Variants in PIDD1 observed in about 807,000 individuals in gnomAD.
The protein encoded by PIDD1 is p53-induced death domain protein 1.
Under a neutral mutation model 80.0 loss-of-function variants are expected in PIDD1, and 72 were observed. The observed-to-expected ratio is 0.90, with a 90% CI of 0.74 to 1.09. The LOEUF (loss-of-function observed/expected upper bound fraction) is 1.09, where lower values mean the gene tolerates loss of function less well. Ranked by LOEUF, PIDD1 falls within the 50% of genes least tolerant of loss-of-function variation. The pLI, the probability that PIDD1 is intolerant of heterozygous loss-of-function variation, is 0.00. For synonymous variants in PIDD1, 655 were observed against 543.5 expected (o/e 1.21, Z -2.85); for missense variants, 1,329 against 1,228.3 (o/e 1.08, Z -1.23).
chr11:803,275 TGA>T lies in PIDD1; in HGVS notation c.606_607del (p.Gln203GlufsTer9), dbSNP rs749768406. On this transcript the variant is annotated frameshift_variant, in exon 3 of 16. Transcript: ENST00000347755. LOFTEE classifies it high-confidence loss of function. ...AGGAGGTAGCGTGTCCAGCAGATTC[TGA>T]GAGAGATCGAGGCGCTGCAGGGTGG... 18 of 1,613,574 alleles carry T rather than the reference TGA, an allele frequency of 1.1e-5. No homozygotes were observed. Among genetic ancestry groups the T allele is most frequent in the African/African-American group, 2.7e-5 (2 of 74,906 alleles).
chr11:801,233 G>A lies in PIDD1; in HGVS notation c.1615C>T (p.Pro539Ser), dbSNP rs763597896. The A allele has an allele frequency of 6.4e-7, 1 of 1,559,256 alleles. No individual in the cohort carries two copies. Among genetic ancestry groups the A allele is most frequent in the Non-Finnish European group, 8.7e-7 (1 of 1,149,798 alleles). ...LQPVTVQLPL[P>S]SGITGLSLDR... is the part of the protein sequence containing the mutation. ...TGCCTCTCACCTGTGATGCCAGAGG[G>A]CAGAGGCAGCTGCACGGTGACCGGT... The change falls in exon 9 of 16, where the codon CCC becomes TCC. Residue 539 changes from proline to serine, a missense_variant. By Grantham distance (74) the Pro-to-Ser change is moderately conservative. Transcript: ENST00000347755.
In PIDD1 at chr11:803,232, G is replaced by T. The variant is rs1311205563; in HGVS notation, c.651C>A (p.Gly217=). Residue 217 remains glycine (G), a synonymous_variant, in exon 3 of 16, where the codon GGC becomes GGA. Transcript: ENST00000347755. ...DTLPPEIGGL[G]SLLELNLASN... ...AGGCCAGGTTGAGCTCCAGGAGGCT[G>T]CCCAGGCCTCCAATCTCAGGAGGTA... 4 of 1,612,268 alleles carry T rather than the reference G, an allele frequency of 2.5e-6. No homozygotes were observed. The East Asian group carries it at 8.9e-5, about 36-fold the overall frequency.
At chr11:809,202 C>T (rs1444219394), upstream of PIDD1, among the ~76,000 whole-genome samples, 1 of 152,258 alleles carries the variant, frequency 6.6e-6, no homozygotes, top group Admixed American at 6.5e-5. Flanking sequence ...CACATGGACA[C>T]CGAGGTCAGT....
Position 800,008 on chromosome 11 carries a change from G to C in PIDD1, c.2281C>G (p.Arg761Gly), listed in dbSNP as rs776246580. Residue 761 changes from arginine (R) to glycine (G), a missense_variant, in exon 15 of 16, where the codon CGA (arginine) becomes GGA (glycine). Transcript: ENST00000347755. ...CCCCGCCGTGGCCCCTCGGACCCTC[G>C]AAGTCTCTGTTGGAAGGAAAAAGTG... is the stretch of plus-strand genomic sequence containing the variant. ...ATLPIKLPRLRGSEGPRRGAG... is the reference protein window; with the variant it reads ...ATLPIKLPRLGGSEGPRRGAG... The C allele has an allele frequency of 1.2e-6, 2 of 1,612,646 alleles. No homozygotes were observed.
chr11:806,929 C>G (rs1029871945), upstream of PIDD1, among the ~76,000 whole-genome samples: 1 of 152,162 alleles, frequency 6.6e-6, no homozygotes. Flanking sequence ...CTGTGGCTTA[C>G]GCCAGTAATC....
At chr11:805,820 A>G, upstream of PIDD1, 1 of 396,388 alleles carries the variant, frequency 2.5e-6, no homozygotes, top group Non-Finnish European at 3.4e-6. Context: ...TAAAATATTG[A>G]GCGGGCGCGG....
In PIDD1 at chr11:799,497, C is replaced by T. The variant is rs1409347019; in HGVS notation, c.2543G>A (p.Gly848Glu). 1 of 1,607,846 alleles carries T rather than the reference C, an allele frequency of 6.2e-7. No individual in the cohort carries two copies. The highest frequency in any genetic ancestry group is 8.5e-7 in the Non-Finnish European group (1 of 1,179,850). Residue 848 changes from glycine to glutamate, a missense_variant, in exon 16 of 16, where the codon GGG becomes GAG. Physicochemically the swap from Gly to Glu is moderately conservative, Grantham distance 98. Coordinates refer to ENST00000347755, the MANE Select transcript of PIDD1 (RefSeq NM_145886.4). Reference sequence around the variant, plus strand: ...GGCCTGCACCAGGAGCCCCACAGCCCCTGGCTGCCCAGCCTGGCGCTCAGC... The same window carrying T: ...GGCCTGCACCAGGAGCCCCACAGCCTCTGGCTGCCCAGCCTGGCGCTCAGC... ...SWAERQAGQP[G>E]AVGLLVQALE... is the part of the protein sequence containing the mutation.
In PIDD1 at chr11:800,624, G is replaced by T; in HGVS notation, c.1960C>A (p.Pro654Thr). Residue 654 changes from proline (P) to threonine (T), a missense_variant, in exon 12 of 16, where the codon CCC (proline) becomes ACC (threonine). Coordinates refer to ENST00000347755, the MANE Select transcript of PIDD1 (RefSeq NM_145886.4). ...LRRLLERYRG[P>T]EPSDTVEMFE... ...ATCTCCACCGTGTCAGAGGGCTCGG[G>T]GCCCCGGTACCGCTCCAGCAGCCGC... The T allele has an allele frequency of 6.2e-7, 1 of 1,600,664 alleles. No homozygotes were observed.
rs772679398 is a variant in PIDD1, at chr11:799,796, C to A, written c.2474+19G>T. 1 of 1,524,992 alleles carries A rather than the reference C, an allele frequency of 6.6e-7. No individual in the cohort carries two copies. The highest frequency in any genetic ancestry group is 1.9e-4 in the Middle Eastern group (1 of 5,320). The allele number at this position is 1,524,992 out of a possible 1,614,324, so 94.5% of individuals were successfully genotyped here. The stretch of plus-strand genomic sequence containing the variant: ...GCTCAGCCCTGGGGCTGGCAGCCAG[C>A]GGGCAGTGGGAGCCTCACCGGAACT... On this transcript the variant is annotated intron_variant, in intron 15 of 15. Transcript: ENST00000347755.
At chr11:803,753 A>G in intron 2 of PIDD1, 166 bp from the exon 3 acceptor site, 2 of 778,634 alleles carry the variant, frequency 2.6e-6, no homozygotes, top group Non-Finnish European at 4.0e-6. Context: ...GGTGCCCGCA[A>G]ATGGAAGGAG....
chr11:804,559 G>A, intron 1 of PIDD1, 96 bp from the exon 2 acceptor site: 1 of 1,266,218 alleles, frequency 7.9e-7, no homozygotes, highest in Non-Finnish European at 1.1e-6. Context: ...TCTAGAGCCA[G>A]GCCATCTGGG....
upstream of PIDD1, among the ~76,000 whole-genome samples, chr11:809,214 C>G (rs1236927805): frequency 6.6e-6 from 1 of 152,268 alleles, no homozygotes; most frequent in Admixed American, 6.5e-5. Flanking sequence ...GAGGTCAGTT[C>G]CGGGCCAAAG....
rs1865239822 is a variant in PIDD1, at chr11:800,861, C to T, written c.1818G>A (p.Lys606=). 1.9e-6 allele frequency: 3 copies of T among 1,579,738 alleles called. No individual in the cohort carries two copies. The Admixed American group carries it at 5.5e-5, about 29-fold the overall frequency. The change falls in exon 11 of 16, where the codon AAG becomes AAA. Residue 606 remains lysine (K), a synonymous_variant. Transcript: ENST00000347755. ...GGTGCAGCCGCAGCCGCTCCCAGGC[C>T]TTCCGAGCCAGGCCTCCCACACAGT... ...TKNCVGGLAR[K]AWERLRLHRV...
chr11:805,065 C>T, intron 1 of PIDD1, 114 bp downstream of exon 1: 1 of 315,424 alleles, frequency 3.2e-6, no homozygotes, highest in Non-Finnish European at 4.6e-6. Flanking sequence ...GGGCGGGCCC[C>T]AGCCCCGAGG....
chr11:802,851 G>A lies in PIDD1; in HGVS notation c.750C>T (p.Asn250=), dbSNP rs1865485086. Residue 250 remains asparagine (N), a synonymous_variant, in exon 4 of 16, where the codon AAC becomes AAT. Coordinates refer to ENST00000347755, the MANE Select transcript of PIDD1 (RefSeq NM_145886.4). ...RSLRLLVLHS[N]LLASVPADLA... is the part of the protein sequence containing the mutation. ...AGTCAGCTGGCACAGAGGCCAGGAG[G>A]TTGCTGTGCAGGACAAGGAGCCGCA... The A allele has an allele frequency of 6.3e-7, 1 of 1,588,062 alleles. No individual in the cohort carries two copies. Among genetic ancestry groups the A allele is most frequent in the African/African-American group, 1.3e-5 (1 of 74,578 alleles).
chr11:808,567 GCACAC>G (rs1865899870), upstream of PIDD1, among the ~76,000 whole-genome samples: 1 of 152,186 alleles, frequency 6.6e-6, no homozygotes, highest in African/African-American at 2.4e-5. Context: ...GGGTGTGGTG[GCACAC>G]GCCTGTGGTC....
rs770226914 is a variant in PIDD1 at position 803,285 on chromosome 11, C to G, written c.598G>C (p.Asp200His). The change falls in exon 3 of 16, where the codon GAT (aspartate) becomes CAT (histidine). Residue 200 changes from aspartate (D) to histidine (H), a missense_variant. Asp to His is a moderately conservative substitution (Grantham distance 81). Coordinates refer to ENST00000347755, the MANE Select transcript of PIDD1 (RefSeq NM_145886.4). ...GTGTCCAGCAGATTCTGAGAGAGAT[C>G]GAGGCGCTGCAGGGTGGATAGGGCC... ...LGALSTLQRL[D>H]LSQNLLDTLP... The G allele has an allele frequency of 3.1e-6, 5 of 1,613,766 alleles. No homozygotes were observed. In the Admixed American group the frequency reaches 8.3e-5, roughly 27 times the overall value.
At position 803,593 on chromosome 11, in the gene PIDD1, A is replaced by C; in HGVS notation, c.296-6T>G. The C allele has an allele frequency of 6.2e-7, 1 of 1,601,442 alleles. No homozygotes were observed. The highest frequency in any genetic ancestry group is 1.1e-5 in the South Asian group (1 of 90,028). ...TGTGTCCCGGCGTTGCCCTCCTGGG[A>C]AGGGGGGAGGCGGATGTGGCCCTCA... On this transcript the variant is annotated splice_region_variant and splice_polypyrimidine_tract_variant and intron_variant, in intron 2 of 15. Coordinates refer to ENST00000347755, the MANE Select transcript of PIDD1 (RefSeq NM_145886.4).
upstream of PIDD1, chr11:805,770 T>C: frequency 1.3e-6 from 1 of 741,930 alleles, no homozygotes. Context: ...CCTGGCACTG[T>C]CTCCTTCAAT....
Sources: allele counts gnomAD v4.1 joint callset (sites outside exome capture counted in the v4.1 genomes callset), GRCh38; gene constraint gnomAD v4.1.1; transcripts MANE v1.5; gene names NCBI Gene and HGNC (gene_info 2026-07-23, HGNC 2026-07-21).